DTNB: variants seen among roughly 807,000 people sequenced by gnomAD.
The protein encoded by DTNB is dystrobrevin beta.
Under a neutral mutation model 90.7 loss-of-function variants are expected in DTNB, and 63 were observed. The observed-to-expected ratio is 0.69, with a 90% CI of 0.57 to 0.86. The LOEUF is 0.86. Ranked by LOEUF, DTNB falls within the 40% of genes least tolerant of loss-of-function variation. The pLI is 0.00. For synonymous variants in DTNB, 277 were observed against 286.7 expected, an observed-to-expected ratio of 0.97 and a Z score of 0.34; for missense variants, 744 against 807.1, an observed-to-expected ratio of 0.92 and a Z score of 0.95.
chr2:25,651,893 G>A (rs2081006219), intron 2 of DTNB, among the ~76,000 whole-genome samples: 1 of 152,154 alleles, frequency 6.6e-6, no homozygotes, highest in Non-Finnish European at 1.5e-5. Context: ...AAAGAGTACA[G>A]TACTTTTGAA....
chr2:25,400,905 C>G (rs1463433934), intron 16 of DTNB, among the ~76,000 whole-genome samples: 1 of 152,180 alleles, frequency 6.6e-6, no homozygotes, highest in Non-Finnish European at 1.5e-5. Context: ...GATAAGCTCT[C>G]TAGACTGCTG....
chr2:25,388,579 T>C, intron 16 of DTNB: 1 of 557,798 alleles, frequency 1.8e-6, no homozygotes, highest in East Asian at 3.4e-5. Flanking sequence ...AGAGAGAACA[T>C]CCTAAGAACA....
chr2:25,481,308 G>C (rs1436195337), intron 10 of DTNB, among the ~76,000 whole-genome samples: 2 of 151,944 alleles, frequency 1.3e-5, no homozygotes, highest in Non-Finnish European at 2.9e-5. Context: ...GGGAGGCTGA[G>C]GCAGGAGAAT....
chr2:25,650,076 G>A, intron 2 of DTNB: 1 of 985,446 alleles, frequency 1.0e-6, no homozygotes, highest in Non-Finnish European at 1.2e-6. Flanking sequence ...TAATTCATAT[G>A]AGGTTTCTGT....
chr2:25,530,587 T>G (rs1021150581), intron 9 of DTNB, among the ~76,000 whole-genome samples: 2 of 152,198 alleles, frequency 1.3e-5, no homozygotes, highest in African/African-American at 4.8e-5. Context: ...CATTATAAGC[T>G]CTTATGGATG....
At chr2:25,450,368 G>T (rs189766113) in intron 12 of DTNB, among the ~76,000 whole-genome samples, 133 of 152,282 alleles carry the variant, frequency 8.7e-4, no homozygotes, top group African/African-American at 3.1e-3. Flanking sequence ...ACACATGAGT[G>T]TCTTTTATGG....
chr2:25,585,321 T>C (rs945758434), intron 6 of DTNB, among the ~76,000 whole-genome samples: 1 of 152,212 alleles, frequency 6.6e-6, no homozygotes, highest in Non-Finnish European at 1.5e-5. Flanking sequence ...CTAATCCTTT[T>C]AACAGCTGCC....
At chr2:25,587,582 G>C (rs1209071434) in intron 6 of DTNB, among the ~76,000 whole-genome samples, 1 of 152,118 alleles carries the variant, frequency 6.6e-6, no homozygotes, top group African/African-American at 2.4e-5. Context: ...TCATCAGTGG[G>C]GAAGCGGGGG....
chr2:25,571,002 A>G (rs2059785240), intron 8 of DTNB, among the ~76,000 whole-genome samples: 1 of 152,226 alleles, frequency 6.6e-6, no homozygotes, highest in African/African-American at 2.4e-5. Context: ...TGTCCGGAAC[A>G]AACGGTGAAT....
chr2:25,533,895 A>G (rs938106647), intron 8 of DTNB, among the ~76,000 whole-genome samples: 17 of 150,718 alleles, frequency 1.1e-4, no homozygotes, highest in Non-Finnish European at 2.2e-4. Flanking sequence ...CCACTGTTGC[A>G]CTCACCATGC....
intron 16 of DTNB, among the ~76,000 whole-genome samples, chr2:25,404,852 T>C (rs1448910866): frequency 3.3e-5 from 5 of 152,096 alleles, no homozygotes; most frequent in African/African-American, 9.7e-5. Context: ...TGAAACTCTG[T>C]CTCAAAAACT....
At chr2:25,540,907 A>G (rs1172426442) in intron 8 of DTNB, among the ~76,000 whole-genome samples, 1 of 152,064 alleles carries the variant, frequency 6.6e-6, no homozygotes, top group Non-Finnish European at 1.5e-5. Flanking sequence ...AACACTGCGG[A>G]AGGCCTCAGG....
Position 25,653,482 on chromosome 2 carries a change from T to G in DTNB, c.-1-821A>C, listed in dbSNP as rs149110636. Among the ~76,000 whole-genome samples, 411 of 88,198 alleles carry G rather than the reference T, an allele frequency of 4.7e-3. 2 individuals carry two copies. Among genetic ancestry groups the G allele is most frequent in the African/African-American group, 0.019 (287 of 15,308 alleles). The allele number at this position is 88,198 out of a possible 152,430, so 57.9% of individuals were successfully genotyped here. A position where few individuals can be genotyped will look rare whatever the true frequency, so the allele number is the denominator to read the frequency against. On this transcript the variant is annotated intron_variant, in intron 1 of 20. Coordinates refer to ENST00000406818, the MANE Select transcript of DTNB (RefSeq NM_021907.5). ...AAAGAAAACTGTTCAGAGCTTGCTTTCTTTCTTTCTTTCTTTCTTTCTTTC... is the reference window on the plus strand; with the variant it reads ...AAAGAAAACTGTTCAGAGCTTGCTTGCTTTCTTTCTTTCTTTCTTTCTTTC...
chr2:25,552,841 ATTTT>A lies in DTNB; in HGVS notation c.877-21248_877-21245del, dbSNP rs544243784. Among the ~76,000 whole-genome samples, 434 of 86,018 alleles carry A rather than the reference ATTTT, an allele frequency of 5.0e-3. 31 individuals are homozygous for A. Among genetic ancestry groups the A allele is most frequent in the African/African-American group, 0.017 (397 of 23,852 alleles). 56.4% of individuals were successfully genotyped at this position (86,018 alleles called of 152,430 possible). A position where few individuals can be genotyped will look rare whatever the true frequency, so the allele number is the denominator to read the frequency against. ...GAAAATTATATAATTTCTCTTTTTG[ATTTT>A]TTTTTTTTTTTTTTTTTTTTTTTTT... On this transcript the variant is annotated intron_variant, in intron 8 of 20. Transcript: ENST00000406818.
At chr2:25,433,029 T>A (rs1203732533) in intron 13 of DTNB, 30 bp from the exon 14 acceptor site, 4 of 1,562,794 alleles carry the variant, frequency 2.6e-6, no homozygotes, top group Non-Finnish European at 1.7e-6. Flanking sequence ...GGAAAGGGGC[T>A]GCACAGTGCT....
chr2:25,598,429 G>C (rs933667779), intron 5 of DTNB, among the ~76,000 whole-genome samples: 1 of 152,074 alleles, frequency 6.6e-6, no homozygotes, highest in Non-Finnish European at 1.5e-5. Context: ...CTTTGTTTAC[G>C]ATACTGTTAT....
chr2:25,432,238 CACACA>C (rs1574359727), intron 14 of DTNB, among the ~76,000 whole-genome samples: 1 of 151,678 alleles, frequency 6.6e-6, no homozygotes, highest in Non-Finnish European at 1.5e-5. Flanking sequence ...CACACACACA[CACACA>C]CCCCTTTCTA....
At chr2:25,648,504 T>G (rs907035278) in intron 2 of DTNB, among the ~76,000 whole-genome samples, 2 of 152,168 alleles carry the variant, frequency 1.3e-5, no homozygotes, top group Non-Finnish European at 2.9e-5. Context: ...AACCTGCACA[T>G]GTACCCCCTG....
intron 9 of DTNB, among the ~76,000 whole-genome samples, chr2:25,508,440 C>A (rs115778311): frequency 6.6e-6 from 1 of 151,514 alleles, no homozygotes; most frequent in African/African-American, 2.4e-5. Flanking sequence ...CACTGGCCTT[C>A]CAATTTATAA....
Sources: gnomAD v4.1 joint callset for allele counts (sites outside exome capture counted in the v4.1 genomes callset) on GRCh38, gnomAD v4.1.1 for gene constraint, MANE v1.5 for transcripts, NCBI Gene and HGNC (gene_info 2026-07-23, HGNC 2026-07-21) for gene names.